Variants in MACROD2 observed in about 807,000 individuals in gnomAD.
The protein encoded by MACROD2 is mono-ADP ribosylhydrolase 2.
In MACROD2, 36 loss-of-function variants were observed where a neutral mutation model predicts 70.4. That is an observed-to-expected ratio of 0.51 (90% confidence interval 0.39 to 0.68). The LOEUF is 0.68. Ranked by LOEUF, MACROD2 falls within the 30% of genes least tolerant of loss-of-function variation. The probability of loss-of-function intolerance (pLI) is 0.00; values close to 1 mark genes in which losing one functional copy is unlikely to be tolerated. For missense variants in MACROD2, 496 were observed against 538.4 expected, an observed-to-expected ratio of 0.92 and a Z score of 0.78; for synonymous variants, 172 against 178.8, an observed-to-expected ratio of 0.96 and a Z score of 0.30.
chr20:14,413,345 A>G (rs527330267), intron 3 of MACROD2, among the ~76,000 whole-genome samples: 6 of 151,426 alleles, frequency 4.0e-5, no homozygotes, highest in Non-Finnish European at 5.9e-5. Flanking sequence ...ATTTCCCTGT[A>G]AAACTGATAT....
intron 5 of MACROD2, among the ~76,000 whole-genome samples, chr20:14,909,964 T>C (rs1032453965): frequency 2.0e-5 from 3 of 152,170 alleles, no homozygotes; most frequent in African/African-American, 7.2e-5. Flanking sequence ...ATGTAGATTC[T>C]TGGGCATGCG....
chr20:15,107,237 T>C (rs2075917830), intron 5 of MACROD2, among the ~76,000 whole-genome samples: 1 of 151,866 alleles, frequency 6.6e-6, no homozygotes. Context: ...CAAACACACA[T>C]ATGAAATGAA....
intron 8 of MACROD2, among the ~76,000 whole-genome samples, chr20:15,837,162 A>G (rs893776780): frequency 6.6e-6 from 1 of 152,204 alleles, no homozygotes; most frequent in African/African-American, 2.4e-5. Flanking sequence ...AAGATATTAA[A>G]GGAAGCCCCC....
intron 8 of MACROD2, among the ~76,000 whole-genome samples, chr20:15,830,109 G>A (rs2064038682): frequency 6.6e-6 from 1 of 152,114 alleles, no homozygotes; most frequent in Non-Finnish European, 1.5e-5. Context: ...TGCAAGTGGT[G>A]GGCAGCCATA....
intron 8 of MACROD2, among the ~76,000 whole-genome samples, chr20:15,530,627 G>T (rs975575820): frequency 1.3e-5 from 2 of 150,844 alleles, no homozygotes; most frequent in African/African-American, 4.9e-5. Context: ...AGCTACTCAG[G>T]AGGCTGAGGC....
chr20:14,324,817 A>C (rs1227762442), intron 3 of MACROD2: 1 of 152,182 alleles, frequency 6.6e-6, no homozygotes, highest in African/African-American at 2.4e-5. Context: ...GCACATTTAC[A>C]TTACCGTTTT....
At chr20:15,835,527 T>C (rs1418644779) in intron 8 of MACROD2, among the ~76,000 whole-genome samples, 2 of 152,128 alleles carry the variant, frequency 1.3e-5, no homozygotes, top group Non-Finnish European at 2.9e-5. Flanking sequence ...ATGCAATTAA[T>C]GTAGTAAATT....
chr20:15,952,925 A>C (rs2065925912), intron 12 of MACROD2, among the ~76,000 whole-genome samples: 1 of 152,116 alleles, frequency 6.6e-6, no homozygotes, highest in Non-Finnish European at 1.5e-5. Flanking sequence ...ATCTCAAAAG[A>C]ATAGTTTTGA....
chr20:14,179,904 T>TAA (rs2081292828), intron 3 of MACROD2, among the ~76,000 whole-genome samples: 2 of 152,190 alleles, frequency 1.3e-5, no homozygotes, highest in African/African-American at 4.8e-5. Flanking sequence ...GTTTTACATT[T>TAA]TAAAAAATTG....
intron 4 of MACROD2, among the ~76,000 whole-genome samples, chr20:14,539,422 G>T (rs1408647383): frequency 1.3e-5 from 2 of 152,128 alleles, no homozygotes; most frequent in East Asian, 3.9e-4. Context: ...GCTGGGAGGT[G>T]GTGGTAGAAG....
intron 3 of MACROD2, among the ~76,000 whole-genome samples, chr20:14,313,861 A>G (rs1349295055): frequency 6.6e-5 from 10 of 152,192 alleles, no homozygotes; most frequent in African/African-American, 2.2e-4. Flanking sequence ...ATTCAGAACT[A>G]GAAAGAAGGA....
rs552537956 is a variant in MACROD2, at chr20:15,926,475, A to G, written c.776-6801A>G. 2.0e-5 allele frequency among the ~76,000 whole-genome samples: 3 copies of G among 152,358 alleles called. No homozygotes were observed. The East Asian group carries it at 5.8e-4, about 29-fold the overall frequency. Reference sequence around the variant, plus strand: ...AAGGAGGGGCAGGAACACATAAACAATGAACATGATACCTACCTAAATTAG... The same window carrying G: ...AAGGAGGGGCAGGAACACATAAACAGTGAACATGATACCTACCTAAATTAG... On this transcript the variant is annotated intron_variant, in intron 10 of 17. Transcript: ENST00000684519.
chr20:15,942,066 A>C (rs931886678), intron 12 of MACROD2, among the ~76,000 whole-genome samples: 2 of 152,180 alleles, frequency 1.3e-5, no homozygotes, highest in Admixed American at 6.5e-5. Flanking sequence ...TTTCAAAAGG[A>C]AGTATTGTAG....
At chr20:14,027,565 T>A (rs1390807118) in intron 2 of MACROD2, among the ~76,000 whole-genome samples, 2 of 152,142 alleles carry the variant, frequency 1.3e-5, no homozygotes, top group Non-Finnish European at 2.9e-5. Flanking sequence ...ATTTTCAGCC[T>A]TTTTGCATTG....
intron 6 of MACROD2, among the ~76,000 whole-genome samples, chr20:15,262,463 G>T (rs1033637170): frequency 6.6e-6 from 1 of 152,048 alleles, no homozygotes; most frequent in Non-Finnish European, 1.5e-5. Context: ...GGACACTTAG[G>T]TTGCTTCCAC....
intron 6 of MACROD2, among the ~76,000 whole-genome samples, chr20:15,269,395 C>A (rs992145408): frequency 6.6e-6 from 1 of 152,246 alleles, no homozygotes; most frequent in Non-Finnish European, 1.5e-5. Flanking sequence ...GCTGTCCCTT[C>A]ACCTTGCTGA....
At chr20:15,245,378 T>G (rs908896702) in intron 6 of MACROD2, among the ~76,000 whole-genome samples, 4 of 152,170 alleles carry the variant, frequency 2.6e-5, no homozygotes, top group Non-Finnish European at 4.4e-5. Flanking sequence ...GCACTCAAAA[T>G]GTATTTATGG....
intron 8 of MACROD2, among the ~76,000 whole-genome samples, chr20:15,528,545 T>A (rs770919075): frequency 3.3e-5 from 5 of 152,220 alleles, no homozygotes; most frequent in Non-Finnish European, 7.3e-5. Flanking sequence ...GAAGCCCTGA[T>A]GTGGAGCACA....
At chr20:14,231,078 G>A (rs2081806761) in intron 3 of MACROD2, among the ~76,000 whole-genome samples, 2 of 151,380 alleles carry the variant, frequency 1.3e-5, no homozygotes, top group Admixed American at 1.3e-4. Flanking sequence ...TGTCATCCAA[G>A]CTTTGTTGTT....
Sources: allele counts gnomAD v4.1 joint callset (sites outside exome capture counted in the v4.1 genomes callset), GRCh38; gene constraint gnomAD v4.1.1; transcripts MANE v1.5; gene names NCBI Gene and HGNC (gene_info 2026-07-23, HGNC 2026-07-21).